Variants in ARHGAP24 observed in about 807,000 individuals in gnomAD.
The protein encoded by ARHGAP24 is rho GTPase-activating protein 24.
ARHGAP24 carries 50 observed loss-of-function variants against 76.4 expected under a neutral mutation model. The observed-to-expected ratio is 0.65, with a 90% CI of 0.52 to 0.83. The LOEUF (loss-of-function observed/expected upper bound fraction) is 0.83, where lower values mean the gene tolerates loss of function less well. ARHGAP24 is among the 40% of genes least tolerant of loss of function. The probability of loss-of-function intolerance (pLI) is 0.00; values close to 1 mark genes in which losing one functional copy is unlikely to be tolerated. For missense variants in ARHGAP24, 930 were observed against 914.2 expected (o/e 1.02, Z -0.22); for synonymous variants, 345 against 323.3 (o/e 1.07, Z -0.72).
At chr4:85,594,308 G>T (rs1728228972) in intron 2 of ARHGAP24, among the ~76,000 whole-genome samples, 1 of 151,942 alleles carries the variant, frequency 6.6e-6, no homozygotes, top group Admixed American at 6.6e-5. Context: ...TTTGTATCCT[G>T]CACCTTTACT....
At chr4:85,686,942 C>G (rs1395680624) in intron 2 of ARHGAP24, among the ~76,000 whole-genome samples, 1 of 152,032 alleles carries the variant, frequency 6.6e-6, no homozygotes, top group Non-Finnish European at 1.5e-5. Context: ...AGCCCTTGCC[C>G]AATGTAGTAA....
intron 3 of ARHGAP24, among the ~76,000 whole-genome samples, chr4:85,887,633 A>T (rs1276175468): frequency 6.6e-6 from 1 of 152,164 alleles, no homozygotes; most frequent in Non-Finnish European, 1.5e-5. Flanking sequence ...AAAAGACGCT[A>T]AATTACTGTA....
intron 3 of ARHGAP24, among the ~76,000 whole-genome samples, chr4:85,872,905 C>T (rs200147075): frequency 6.6e-6 from 1 of 152,010 alleles, no homozygotes; most frequent in African/African-American, 2.4e-5. Flanking sequence ...CCTAGCAAAA[C>T]ATTTCTTCAA....
At chr4:85,502,702 A>G (rs948058102) in intron 1 of ARHGAP24, among the ~76,000 whole-genome samples, 2 of 152,052 alleles carry the variant, frequency 1.3e-5, no homozygotes, top group African/African-American at 2.4e-5. Flanking sequence ...CTAATTGAAT[A>G]CCCTCTATTT....
chr4:85,690,764 T>A (rs1560587588), intron 2 of ARHGAP24, among the ~76,000 whole-genome samples: 1 of 151,634 alleles, frequency 6.6e-6, no homozygotes, highest in Non-Finnish European at 1.5e-5. Flanking sequence ...TCTTGTTTTT[T>A]TTTTTTTTAT....
At chr4:85,517,121 G>A (rs1191677432) in intron 1 of ARHGAP24, among the ~76,000 whole-genome samples, 1 of 151,912 alleles carries the variant, frequency 6.6e-6, no homozygotes, top group African/African-American at 2.4e-5. Context: ...TTGTTCTGTT[G>A]GTCTATCCGC....
At chr4:85,919,147 TC>T (rs1214566079) in intron 3 of ARHGAP24, among the ~76,000 whole-genome samples, 7 of 152,326 alleles carry the variant, frequency 4.6e-5, no homozygotes, top group African/African-American at 1.7e-4. Flanking sequence ...TTTAAAAATT[TC>T]ACCTCTTGAA....
At chr4:85,682,910 A>G (rs1296492625) in intron 2 of ARHGAP24, among the ~76,000 whole-genome samples, 2 of 152,146 alleles carry the variant, frequency 1.3e-5, no homozygotes, top group African/African-American at 4.8e-5. Flanking sequence ...TGCACTTTCA[A>G]AGACACATAA....
chr4:85,944,611 G>T (rs1737146085), intron 5 of ARHGAP24, among the ~76,000 whole-genome samples: 1 of 152,108 alleles, frequency 6.6e-6, no homozygotes, highest in South Asian at 2.1e-4. Context: ...TGTTGCCATT[G>T]CTTTGGTGTT....
intron 4 of ARHGAP24, among the ~76,000 whole-genome samples, chr4:85,937,860 A>T (rs1339835931): frequency 6.6e-6 from 1 of 152,206 alleles, no homozygotes; most frequent in Non-Finnish European, 1.5e-5. Flanking sequence ...TGAAAAGGAG[A>T]CAGAGTCACA....
At chr4:85,860,393 C>T (rs1408859063) in intron 3 of ARHGAP24, among the ~76,000 whole-genome samples, 3 of 152,082 alleles carry the variant, frequency 2.0e-5, no homozygotes, top group Non-Finnish European at 4.4e-5. Context: ...ATGCTAAATA[C>T]ACATCATATT....
intron 3 of ARHGAP24, among the ~76,000 whole-genome samples, chr4:85,757,025 T>C (rs1235873785): frequency 6.6e-6 from 1 of 152,208 alleles, no homozygotes; most frequent in Non-Finnish European, 1.5e-5. Flanking sequence ...TAGCACAGTG[T>C]CTGGTTTCTG....
At chr4:85,856,669 C>G (rs903381643) in intron 3 of ARHGAP24, among the ~76,000 whole-genome samples, 2 of 152,004 alleles carry the variant, frequency 1.3e-5, no homozygotes, top group African/African-American at 4.8e-5. Context: ...TAGAGTTTCA[C>G]CATGTTGACC....
At chr4:85,888,670 CAT>C (rs1165265164) in intron 3 of ARHGAP24, among the ~76,000 whole-genome samples, 3 of 151,838 alleles carry the variant, frequency 2.0e-5, no homozygotes, top group African/African-American at 7.3e-5. Context: ...GGTTTGTTAA[CAT>C]AGGTAAACTT....
rs530547173 is a variant in ARHGAP24 at position 85,560,996 on chromosome 4, AT to A, written c.-20-9524del. On this transcript the variant is annotated intron_variant, in intron 1 of 9. Coordinates refer to ENST00000395184, the MANE Select transcript of ARHGAP24 (RefSeq NM_001025616.3). ...CTGAAACACAAAGATGGATTGAAGC[AT>A]TCATTCACTTATTCATCAGTTTGCC... Among the ~76,000 whole-genome samples, 30 of 152,342 alleles carry A rather than the reference AT, an allele frequency of 2.0e-4. No homozygotes were observed. In the East Asian group the frequency reaches 5.8e-3, roughly 29 times the overall value.
At chr4:85,547,204 C>G (rs962366287) in intron 1 of ARHGAP24, among the ~76,000 whole-genome samples, 2 of 152,142 alleles carry the variant, frequency 1.3e-5, no homozygotes, top group Non-Finnish European at 1.5e-5. Context: ...TGTCCTGTCT[C>G]TTTAGTGTAC....
intron 2 of ARHGAP24, among the ~76,000 whole-genome samples, chr4:85,631,703 C>A (rs969402003): frequency 2.0e-5 from 3 of 151,958 alleles, no homozygotes; most frequent in East Asian, 1.9e-4. Context: ...GAGATCATAG[C>A]AATATTCCTT....
chr4:85,560,363 A>C (rs973795824), intron 1 of ARHGAP24, among the ~76,000 whole-genome samples: 2 of 152,172 alleles, frequency 1.3e-5, no homozygotes, highest in Admixed American at 6.5e-5. Flanking sequence ...GTAGACAACA[A>C]AAGCTAAATT....
chr4:85,758,071 A>C (rs570672973), intron 3 of ARHGAP24, among the ~76,000 whole-genome samples: 1 of 152,028 alleles, frequency 6.6e-6, no homozygotes, highest in Non-Finnish European at 1.5e-5. Flanking sequence ...GGGAAAAAAA[A>C]GCCTAATGGT....
Sources: gnomAD v4.1 joint callset for allele counts (sites outside exome capture counted in the v4.1 genomes callset) on GRCh38, gnomAD v4.1.1 for gene constraint, MANE v1.5 for transcripts, NCBI Gene and HGNC (gene_info 2026-07-23, HGNC 2026-07-21) for gene names.